TSBP1: variants seen among roughly 807,000 people sequenced by gnomAD.
TSBP1 encodes testis-expressed basic protein 1.
In TSBP1, 56 loss-of-function variants were observed where a neutral mutation model predicts 68.8. The ratio of observed to expected loss-of-function variants is 0.81; its 90% CI spans 0.66 to 1.02. The LOEUF (loss-of-function observed/expected upper bound fraction) is 1.02. Among genes scored for constraint, TSBP1 ranks in the 50% least tolerant of loss-of-function variants. The pLI is 0.00. For synonymous variants in TSBP1, 171 were observed against 208.7 expected (o/e 0.82, Z 1.56); for missense variants, 502 against 641.2 (o/e 0.78, Z 2.34).
At chr6:32,371,858 A>T (rs1774465968) in exon 1 of TSBP1, 2 of 789,906 alleles carry the variant, frequency 2.5e-6, no homozygotes, top group African/African-American at 1.7e-5. Context: ...GCAGAGGATC[A>T]CTGAGAAATT....
At chr6:32,366,031 T>C (rs1384842257) in intron 6 of TSBP1, 136 bp downstream of exon 6, 33 of 1,333,034 alleles carry the variant, frequency 2.5e-5, no homozygotes, top group Non-Finnish European at 3.5e-5. Flanking sequence ...TTTGTGAACA[T>C]TTCTCAGAAT....
In TSBP1 at chr6:32,335,468, A is replaced by AAG; in HGVS notation, c.452-13_452-12dup. ...TTTTTTGAGAGAGCTCTAAAAAAAA[A>AAG]AGAGAAAAGAAATCAGTAGCTATAT... On this transcript the variant is annotated splice_polypyrimidine_tract_variant and intron_variant, in intron 13 of 22. Transcript: ENST00000612031. This position sits in a 1 kb window ranked among gnomAD's most constrained non-coding sequence, Gnocchi z 5.5. The AAG allele has an allele frequency of 6.8e-7, 1 of 1,471,248 alleles. No homozygotes were observed. The highest frequency in any genetic ancestry group is 9.1e-7 in the Non-Finnish European group (1 of 1,104,204). The allele number at this position is 1,471,248 out of a possible 1,614,324, so 91.1% of individuals were successfully genotyped here. A position where few individuals can be genotyped will look rare whatever the true frequency, so the allele number is the denominator to read the frequency against.
intron 16 of TSBP1, among the ~76,000 whole-genome samples, chr6:32,327,601 G>C (rs918450863): frequency 2.6e-5 from 4 of 151,830 alleles, no homozygotes; most frequent in Non-Finnish European, 5.9e-5. Context: ...CACTTCTAGA[G>C]GTTCATAATG....
chr6:32,365,200 A>C lies in TSBP1; in HGVS notation c.217+967T>G. The C allele has an allele frequency of 2.5e-6, 1 of 400,058 alleles. No individual in the cohort carries two copies. The highest frequency in any genetic ancestry group is 5.0e-6 in the Non-Finnish European group (1 of 201,268). 24.8% of individuals were successfully genotyped at this position (400,058 alleles called of 1,614,324 possible). On this transcript the variant is annotated intron_variant, in intron 6 of 22. Coordinates refer to ENST00000612031, the Ensembl canonical transcript of TSBP1. This position sits in a 1 kb window ranked among gnomAD's most constrained non-coding sequence, Gnocchi z 4.3. ...AACTACCACACCCAGGGTAGATGGG[A>C]TTTCTAAGATTGTGCTTTCTCTCAA...
At chr6:32,318,448 C>T (rs1767210701) in intron 18 of TSBP1, among the ~76,000 whole-genome samples, 1 of 151,984 alleles carries the variant, frequency 6.6e-6, no homozygotes, top group Admixed American at 6.6e-5. Flanking sequence ...GAACTTAAAA[C>T]TTAAATAAAA....
At chr6:32,332,920 A>G (rs1769217204) in intron 14 of TSBP1, among the ~76,000 whole-genome samples, 1 of 151,964 alleles carries the variant, frequency 6.6e-6, no homozygotes, top group African/African-American at 2.4e-5. Context: ...CAAAACCTTC[A>G]GTTTTTAATG....
exon 23 of TSBP1, chr6:32,293,807 C>G: frequency 6.2e-7 from 1 of 1,613,044 alleles, no homozygotes; most frequent in Non-Finnish European, 8.5e-7. Context: ...GACCTCCATT[C>G]CTATTTTGTC....
intron 21 of TSBP1, 129 bp from the exon 25 acceptor site, chr6:32,300,065 C>T: frequency 2.7e-6 from 2 of 754,642 alleles, no homozygotes; most frequent in South Asian, 1.5e-5. Flanking sequence ...TCTGTTTCAT[C>T]CTCAGGAGTG....
rs1562196177 is a variant in TSBP1 at position 32,365,708 on chromosome 6, C to T, written c.217+459G>A. On this transcript the variant is annotated intron_variant, in intron 6 of 22. Coordinates refer to ENST00000612031, the Ensembl canonical transcript of TSBP1. The surrounding 1 kb of genome is among the most constrained non-coding windows in gnomAD (Gnocchi z 4.3). The stretch of plus-strand genomic sequence containing the variant: ...GGGTCTGTCTCAGCATTGAGTTGTG[C>T]CACCTTGGGGGAGGAGTGATGTGGG... 1 of 434,732 alleles carries T rather than the reference C, an allele frequency of 2.3e-6. No individual in the cohort carries two copies. Among genetic ancestry groups the T allele is most frequent in the South Asian group, 1.7e-5 (1 of 60,570 alleles). 26.9% of individuals were successfully genotyped at this position (434,732 alleles called of 1,614,324 possible). A position where few individuals can be genotyped will look rare whatever the true frequency, so the allele number is the denominator to read the frequency against.
At chr6:32,327,382 G>A (rs1387265105) in intron 16 of TSBP1, among the ~76,000 whole-genome samples, 1 of 152,104 alleles carries the variant, frequency 6.6e-6, no homozygotes, top group Non-Finnish European at 1.5e-5. Flanking sequence ...GTTCTCCCTT[G>A]ATAGGCTTAA....
rs562258929 is a variant in TSBP1, at chr6:32,335,973, T to C, written c.431-41A>G. 1.3e-6 allele frequency: 2 copies of C among 1,563,144 alleles called. No individual in the cohort carries two copies. The highest frequency in any genetic ancestry group is 2.2e-5 in the East Asian group (1 of 44,678). On this transcript the variant is annotated intron_variant, in intron 12 of 22. Transcript: ENST00000612031. The surrounding 1 kb of genome is among the most constrained non-coding windows in gnomAD (Gnocchi z 5.5). ...AGGGAGAAAGAAAAAGATATCAGTA[T>C]GCTTCACCACTGTGAAGGAAATTTC...
intron 22 of TSBP1, among the ~76,000 whole-genome samples, chr6:32,294,515 T>C (rs1200808696): frequency 1.3e-5 from 2 of 152,260 alleles, no homozygotes; most frequent in Non-Finnish European, 1.5e-5. Flanking sequence ...GCTTACCACA[T>C]ACCAAGTACT....
chr6:32,336,510 A>G lies in TSBP1; in HGVS notation c.430+105T>C. On this transcript the variant is annotated intron_variant, in intron 12 of 22. Coordinates refer to ENST00000612031, the Ensembl canonical transcript of TSBP1. This position sits in a 1 kb window ranked among gnomAD's most constrained non-coding sequence, Gnocchi z 5.2. The stretch of plus-strand genomic sequence containing the variant: ...TGCATATGCACCACCGGAATCTAAA[A>G]TAAAAGTTGAAATTATTTTTAAAAA... The G allele has an allele frequency of 1.0e-6, 1 of 979,396 alleles. No individual in the cohort carries two copies. The highest frequency in any genetic ancestry group is 1.4e-5 in the South Asian group (1 of 69,744). 60.7% of individuals were successfully genotyped at this position (979,396 alleles called of 1,614,324 possible).
At chr6:32,330,488 G>A (rs1391234641) in intron 16 of TSBP1, 101 bp downstream of exon 17, 1 of 1,013,186 alleles carries the variant, frequency 9.9e-7, no homozygotes, top group Non-Finnish European at 1.5e-6. Flanking sequence ...TGCTCTTATG[G>A]CAGTGAGACA....
intron 19 of TSBP1, among the ~76,000 whole-genome samples, chr6:32,310,879 A>T (rs1404499584): frequency 6.6e-6 from 1 of 151,722 alleles, no homozygotes; most frequent in African/African-American, 2.4e-5. Flanking sequence ...CATATGCCGT[A>T]TCAGCTGCCT....
At chr6:32,353,256 C>A (rs1771905299) in intron 8 of TSBP1, among the ~76,000 whole-genome samples, 1 of 151,834 alleles carries the variant, frequency 6.6e-6, no homozygotes, top group Non-Finnish European at 1.5e-5. Context: ...TGGCTAGATA[C>A]AAAATCTACT....
chr6:32,308,137 G>A (rs1258811946), intron 19 of TSBP1, among the ~76,000 whole-genome samples: 1 of 151,704 alleles, frequency 6.6e-6, no homozygotes, highest in African/African-American at 2.4e-5. Flanking sequence ...CTTATTTTAG[G>A]TATATTTCTT....
At chr6:32,341,678 A>G (rs948565941) in intron 9 of TSBP1, among the ~76,000 whole-genome samples, 1 of 152,210 alleles carries the variant, frequency 6.6e-6, no homozygotes, top group Non-Finnish European at 1.5e-5. Context: ...GGGATAGGGC[A>G]AGTGAATCCC....
intron 16 of TSBP1, among the ~76,000 whole-genome samples, chr6:32,327,273 A>G (rs938326003): frequency 6.6e-6 from 1 of 152,260 alleles, no homozygotes; most frequent in Admixed American, 6.5e-5. Flanking sequence ...TACAATAGAC[A>G]TGGAACTTAA....
Sources: gnomAD v4.1 joint callset for allele counts (sites outside exome capture counted in the v4.1 genomes callset) on GRCh38, gnomAD v4.1.1 for gene constraint, Gnocchi (gnomAD v3.1) non-coding constraint, MANE v1.5 for transcripts, NCBI Gene and HGNC (gene_info 2026-07-23, HGNC 2026-07-21) for gene names.